The following CNTNAP2 variants were observed in gnomAD, a reference collection of about 807,000 sequenced individuals.
CNTNAP2 encodes the protein contactin associated protein 2.
Under a neutral mutation model 155.2 loss-of-function variants are expected in CNTNAP2, and 98 were observed. The observed-to-expected ratio is 0.63, with a 90% CI of 0.54 to 0.75. The LOEUF is 0.75. Among genes scored for constraint, CNTNAP2 ranks in the 30% least tolerant of loss-of-function variants. The pLI is 0.00. For missense variants in CNTNAP2, 1,727 were observed against 1,688.1 expected, an observed-to-expected ratio of 1.02 and a Z score of -0.40; for synonymous variants, 651 against 631.2, an observed-to-expected ratio of 1.03 and a Z score of -0.47.
intron 13 of CNTNAP2, among the ~76,000 whole-genome samples, chr7:147,900,342 G>T (rs761865279): frequency 1.3e-5 from 2 of 152,152 alleles, no homozygotes; most frequent in Non-Finnish European, 2.9e-5. Flanking sequence ...CTGTTCTCAT[G>T]ATAGTGAGGA....
At chr7:147,816,727 A>C (rs1037985263) in intron 13 of CNTNAP2, among the ~76,000 whole-genome samples, 1 of 149,798 alleles carries the variant, frequency 6.7e-6, no homozygotes, top group Admixed American at 6.6e-5. Context: ...TCACTTGATG[A>C]TGAATAGCCT....
chr7:148,137,210 A>G (rs1004023323), intron 16 of CNTNAP2, among the ~76,000 whole-genome samples: 1 of 152,242 alleles, frequency 6.6e-6, no homozygotes, highest in Non-Finnish European at 1.5e-5. Context: ...CCTCATTTCT[A>G]ATATTCATTA....
At chr7:146,992,457 T>G (rs1448675871) in intron 3 of CNTNAP2, among the ~76,000 whole-genome samples, 3 of 152,136 alleles carry the variant, frequency 2.0e-5, no homozygotes, top group African/African-American at 7.2e-5. Flanking sequence ...CAGGGTTTAT[T>G]GGGTAAAAAC....
At chr7:146,557,984 T>C (rs1798221545) in intron 1 of CNTNAP2, among the ~76,000 whole-genome samples, 1 of 152,190 alleles carries the variant, frequency 6.6e-6, no homozygotes, top group South Asian at 2.1e-4. Flanking sequence ...GAAAATGTAA[T>C]ACAATCTACC....
intron 13 of CNTNAP2, among the ~76,000 whole-genome samples, chr7:147,839,716 T>C (rs1798695151): frequency 6.6e-6 from 1 of 152,164 alleles, no homozygotes; most frequent in Non-Finnish European, 1.5e-5. Context: ...AACTGCAGTT[T>C]GATACAGCAA....
At chr7:146,720,679 G>C (rs1266171882) in intron 1 of CNTNAP2, among the ~76,000 whole-genome samples, 2 of 151,584 alleles carry the variant, frequency 1.3e-5, no homozygotes, top group Non-Finnish European at 2.9e-5. Flanking sequence ...TCCATTCACT[G>C]TCTGTTACGT....
At chr7:146,390,575 T>A (rs58855388) in intron 1 of CNTNAP2, among the ~76,000 whole-genome samples, 4,038 of 150,392 alleles carry the variant, frequency 0.027, 180 homozygotes, top group African/African-American at 0.093. Context: ...TATTCTTTCA[T>A]GTAATAAAAT....
chr7:146,628,563 TTATA>T (rs1423328570), intron 1 of CNTNAP2, among the ~76,000 whole-genome samples: 2 of 152,074 alleles, frequency 1.3e-5, no homozygotes, highest in African/African-American at 2.4e-5. Context: ...TTCAGAATGT[TTATA>T]TACTTCAAAA....
At chr7:148,292,446 C>T (rs1797204786) in intron 21 of CNTNAP2, among the ~76,000 whole-genome samples, 1 of 152,144 alleles carries the variant, frequency 6.6e-6, no homozygotes, top group South Asian at 2.1e-4. Flanking sequence ...GATGAAAACA[C>T]GTGCCTCTGA....
intron 3 of CNTNAP2, among the ~76,000 whole-genome samples, chr7:146,893,027 A>AT (rs1232394382): frequency 2.0e-5 from 3 of 152,148 alleles, no homozygotes; most frequent in Non-Finnish European, 4.4e-5. Flanking sequence ...GGTAGGAAAA[A>AT]ATATATATTG....
At chr7:147,731,318 C>A (rs1390795570) in intron 13 of CNTNAP2, among the ~76,000 whole-genome samples, 1 of 152,154 alleles carries the variant, frequency 6.6e-6, no homozygotes, top group East Asian at 1.9e-4. Context: ...TGTTAGGTTA[C>A]TTGAAGTTGA....
At chr7:146,663,291 A>G (rs956222450) in intron 1 of CNTNAP2, among the ~76,000 whole-genome samples, 5 of 142,194 alleles carry the variant, frequency 3.5e-5, no homozygotes, top group East Asian at 2.1e-4. Flanking sequence ...AAAAAAAAAA[A>G]AAAAAAAGAA....
intron 13 of CNTNAP2, among the ~76,000 whole-genome samples, chr7:147,800,049 G>A (rs188971998): frequency 3.2e-3 from 480 of 152,248 alleles, no homozygotes; most frequent in Middle Eastern, 6.8e-3. Context: ...TAAATATATA[G>A]TATGTGTCAA....
At chr7:147,443,892 A>G (rs1797685276) in intron 10 of CNTNAP2, among the ~76,000 whole-genome samples, 1 of 152,220 alleles carries the variant, frequency 6.6e-6, no homozygotes, top group Non-Finnish European at 1.5e-5. Context: ...TTTCAGGAAG[A>G]TTATCTCCTC....
intron 1 of CNTNAP2, among the ~76,000 whole-genome samples, chr7:146,738,649 C>A (rs1298860993): frequency 6.6e-6 from 1 of 151,514 alleles, no homozygotes; most frequent in African/African-American, 2.4e-5. Flanking sequence ...AGTTGTGGGT[C>A]TTAGATTTAA....
intron 1 of CNTNAP2, among the ~76,000 whole-genome samples, chr7:146,273,904 T>C (rs1389011767): frequency 2.0e-5 from 3 of 152,160 alleles, no homozygotes; most frequent in African/African-American, 7.2e-5. Flanking sequence ...AAAAATGGTA[T>C]ATTATTCATA....
At chr7:147,938,880 G>T (rs1800664407) in intron 14 of CNTNAP2, among the ~76,000 whole-genome samples, 1 of 152,144 alleles carries the variant, frequency 6.6e-6, no homozygotes, top group Non-Finnish European at 1.5e-5. Flanking sequence ...CCCACACCTA[G>T]CCCAACTGGA....
At position 146,266,385 on chromosome 7, in the gene CNTNAP2, A is replaced by T. The variant is rs974413589; in HGVS notation, c.97+149412A>T. Reference sequence around the variant, plus strand: ...CTATATGCTAACACAATTAACTCTTAAAAAATTCTGTTTTTCTTTAAATCC... The same window carrying T: ...CTATATGCTAACACAATTAACTCTTTAAAAATTCTGTTTTTCTTTAAATCC... On this transcript the variant is annotated intron_variant, in intron 1 of 23. Transcript: ENST00000361727. 3.3e-5 allele frequency among the ~76,000 whole-genome samples: 5 copies of T among 152,294 alleles called. 1 individual carries two copies. In the Middle Eastern group the frequency reaches 0.01, roughly 311 times the overall value.
chr7:147,132,592 G>T (rs1355993536), intron 8 of CNTNAP2, 83 bp downstream of exon 8: 1 of 1,554,708 alleles, frequency 6.4e-7, no homozygotes, highest in Non-Finnish European at 8.9e-7. Flanking sequence ...GGTTTTGCTG[G>T]TGTTACACGC....
Sources: gnomAD v4.1 joint callset for allele counts (sites outside exome capture counted in the v4.1 genomes callset) on GRCh38, gnomAD v4.1.1 for gene constraint, MANE v1.5 for transcripts, NCBI Gene and HGNC (gene_info 2026-07-23, HGNC 2026-07-21) for gene names.